The following DCC variants were observed in gnomAD, a reference collection of about 807,000 sequenced individuals.
DCC encodes DCC netrin 1 receptor, also known as netrin receptor DCC.
DCC carries 58 observed loss-of-function variants against 172.5 expected under a neutral mutation model. The observed-to-expected ratio is 0.34, with a 90% CI of 0.27 to 0.42. The LOEUF (loss-of-function observed/expected upper bound fraction) is 0.42. DCC is among the 10% of genes least tolerant of loss of function. The probability of loss-of-function intolerance (pLI) is 1.00; values close to 1 mark genes in which losing one functional copy is unlikely to be tolerated. For synonymous variants in DCC, 709 were observed against 644.5 expected (o/e 1.10, Z -1.52); for missense variants, 1,740 against 1,791.0 (o/e 0.97, Z 0.51).
chr18:53,472,938 C>T (rs1219457324), intron 25 of DCC, among the ~76,000 whole-genome samples: 2 of 152,174 alleles, frequency 1.3e-5, no homozygotes, highest in Non-Finnish European at 2.9e-5. Flanking sequence ...TGTACCCAGA[C>T]TCATGCTAAG....
At chr18:52,361,867 C>CTCGT (rs1984633205) in intron 1 of DCC, among the ~76,000 whole-genome samples, 1 of 152,208 alleles carries the variant, frequency 6.6e-6, no homozygotes, top group Non-Finnish European at 1.5e-5. Flanking sequence ...ATCACCACAG[C>CTCGT]TCGTTCATGT....
chr18:53,436,287 C>T (rs561077983), intron 22 of DCC, among the ~76,000 whole-genome samples: 26 of 152,254 alleles, frequency 1.7e-4, no homozygotes, highest in African/African-American at 5.1e-4. Context: ...TTACAAATAG[C>T]TCTCACTCAT....
chr18:52,686,661 A>G (rs910196538), intron 1 of DCC, among the ~76,000 whole-genome samples: 10 of 152,118 alleles, frequency 6.6e-5, no homozygotes, highest in African/African-American at 2.2e-4. Context: ...GAACTGTGCA[A>G]AAGTTTCTTG....
chr18:53,008,643 C>T (rs1333107383), intron 5 of DCC, among the ~76,000 whole-genome samples: 1 of 151,812 alleles, frequency 6.6e-6, no homozygotes, highest in Non-Finnish European at 1.5e-5. Flanking sequence ...CCATTGGCCA[C>T]ATTTCTGAAG....
At chr18:52,474,357 C>A (rs1237405) in intron 1 of DCC, among the ~76,000 whole-genome samples, 1 of 151,942 alleles carries the variant, frequency 6.6e-6, no homozygotes, top group South Asian at 2.1e-4. Flanking sequence ...TTATAAGACT[C>A]ATTAAAAGAG....
chr18:52,525,459 A>G (rs577504631), intron 1 of DCC, among the ~76,000 whole-genome samples: 11 of 152,316 alleles, frequency 7.2e-5, no homozygotes, highest in Admixed American at 2.6e-4. Context: ...ATGCTTTTGT[A>G]AATAAAGATT....
At chr18:52,926,916 T>TACATATATAC (rs375596058) in intron 5 of DCC, among the ~76,000 whole-genome samples, 1 of 136,628 alleles carries the variant, frequency 7.3e-6, no homozygotes, top group Non-Finnish European at 1.6e-5. Context: ...TATATACGTA[T>TACATATATAC]ACATATATAT....
chr18:53,097,597 A>T (rs2043105343), intron 7 of DCC, among the ~76,000 whole-genome samples: 1 of 152,160 alleles, frequency 6.6e-6, no homozygotes, highest in African/African-American at 2.4e-5. Context: ...TCTGGTCTTT[A>T]TTATAATGCT....
At position 53,089,631 on chromosome 18, in the gene DCC, T is replaced by C. The variant is rs1021877439; in HGVS notation, c.1261+23465T>C. ...AAACAAAAAACTTAAACCTTCTTTATGGGCACCTAAAAGTACTGTGGCCCT... is the reference window on the plus strand; with the variant it reads ...AAACAAAAAACTTAAACCTTCTTTACGGGCACCTAAAAGTACTGTGGCCCT... On this transcript the variant is annotated intron_variant, in intron 7 of 28. Coordinates refer to ENST00000442544, the MANE Select transcript of DCC (RefSeq NM_005215.4). Among the ~76,000 whole-genome samples the C allele has an allele frequency of 2.6e-5, 4 of 152,062 alleles. No homozygotes were observed. The East Asian group carries it at 7.7e-4, about 29-fold the overall frequency.
At chr18:52,530,148 T>C (rs901233240) in intron 1 of DCC, among the ~76,000 whole-genome samples, 1 of 152,218 alleles carries the variant, frequency 6.6e-6, no homozygotes, top group Non-Finnish European at 1.5e-5. Context: ...TTATAAATAT[T>C]TTCATGTGAA....
chr18:53,209,171 A>T (rs2144562590), intron 11 of DCC, among the ~76,000 whole-genome samples: 1 of 152,338 alleles, frequency 6.6e-6, no homozygotes, highest in African/African-American at 2.4e-5. Context: ...AATGCCATAA[A>T]AGAGAGGAAC....
At chr18:53,501,659 G>T (rs995903706) in intron 27 of DCC, among the ~76,000 whole-genome samples, 1 of 152,000 alleles carries the variant, frequency 6.6e-6, no homozygotes, top group African/African-American at 2.4e-5. Context: ...ATGTTCTCTC[G>T]GCTTGCAAGT....
intron 1 of DCC, among the ~76,000 whole-genome samples, chr18:52,473,576 G>T (rs1016285474): frequency 6.6e-6 from 1 of 152,126 alleles, no homozygotes. Flanking sequence ...TTTTCACACA[G>T]CTGGAGAAAG....
At position 53,156,872 on chromosome 18, in the gene DCC, G is replaced by A. The variant is rs576519391; in HGVS notation, c.1262-484G>A. Among the ~76,000 whole-genome samples the A allele has an allele frequency of 4.0e-3, 603 of 152,226 alleles. 2 individuals are homozygous for A. Among genetic ancestry groups the A allele is most frequent in the Middle Eastern group, 6.8e-3 (2 of 294 alleles). On this transcript the variant is annotated intron_variant, in intron 7 of 28. Transcript: ENST00000442544. The stretch of plus-strand genomic sequence containing the variant: ...CTTATTCAACCTCTGCTTCATTCCA[G>A]AAACAATTCAGGGAAATATTAATTA...
intron 1 of DCC, among the ~76,000 whole-genome samples, chr18:52,536,830 C>T (rs1399760769): frequency 1.3e-5 from 2 of 152,150 alleles, no homozygotes; most frequent in African/African-American, 4.8e-5. Flanking sequence ...CCTAAGAAGA[C>T]TCTGATAAAT....
chr18:52,862,442 C>A (rs1240124693), intron 2 of DCC, among the ~76,000 whole-genome samples: 2 of 152,018 alleles, frequency 1.3e-5, no homozygotes, highest in African/African-American at 2.4e-5. Flanking sequence ...ATGGCTCACA[C>A]CTGTAATCCC....
At chr18:52,720,368 G>A (rs1361193851) in intron 1 of DCC, among the ~76,000 whole-genome samples, 1 of 152,182 alleles carries the variant, frequency 6.6e-6, no homozygotes, top group Non-Finnish European at 1.5e-5. Flanking sequence ...ATTATTTTCT[G>A]GTTTGGAATG....
chr18:53,291,578 G>T (rs890612292), intron 12 of DCC, among the ~76,000 whole-genome samples: 1 of 151,890 alleles, frequency 6.6e-6, no homozygotes, highest in African/African-American at 2.4e-5. Context: ...ATTATATACT[G>T]GCCCTATTTT....
At chr18:53,005,705 G>A (rs1275015301) in intron 5 of DCC, among the ~76,000 whole-genome samples, 4 of 152,172 alleles carry the variant, frequency 2.6e-5, no homozygotes, top group African/African-American at 7.2e-5. Flanking sequence ...TCCAGCCTGG[G>A]TGACAGAGTG....
Sources: gnomAD v4.1 joint callset for allele counts (sites outside exome capture counted in the v4.1 genomes callset) on GRCh38, gnomAD v4.1.1 for gene constraint, MANE v1.5 for transcripts, NCBI Gene and HGNC (gene_info 2026-07-23, HGNC 2026-07-21) for gene names.